CNTLN: variants seen among roughly 807,000 people sequenced by gnomAD.
The protein encoded by CNTLN is centlein, centrosomal protein.
A neutral mutation model predicts 180.0 loss-of-function variants in CNTLN; 212 were observed. The ratio of observed to expected loss-of-function variants is 1.18; its 90% CI spans 1.05 to 1.32. CNTLN has a LOEUF of 1.32. CNTLN is among the 40% of genes most tolerant of loss of function. CNTLN has a pLI of 0.00. For missense variants in CNTLN, 2,095 were observed against 1,610.9 expected (o/e 1.30, Z -5.14); for synonymous variants, 722 against 563.1 (o/e 1.28, Z -3.99).
intron 2 of CNTLN, among the ~76,000 whole-genome samples, chr9:17,200,716 C>T (rs1266481076): frequency 5.9e-5 from 9 of 152,098 alleles, no homozygotes; most frequent in Non-Finnish European, 8.8e-5. Context: ...AGTTGCTTAC[C>T]AGCATAAGGA....
downstream of CNTLN, among the ~76,000 whole-genome samples, chr9:17,508,017 C>T (rs1225961940): frequency 6.6e-6 from 1 of 152,128 alleles, no homozygotes. Flanking sequence ...TTAATGCTGA[C>T]CCTAGCGTGA....
chr9:17,372,148 A>T (rs1302020746), intron 13 of CNTLN, among the ~76,000 whole-genome samples: 1 of 152,158 alleles, frequency 6.6e-6, no homozygotes, highest in Non-Finnish European at 1.5e-5. Flanking sequence ...TGAATAAAAC[A>T]ATATGAAAAA....
chr9:17,499,406 A>G (rs1187868117), intron 25 of CNTLN, among the ~76,000 whole-genome samples: 1 of 152,228 alleles, frequency 6.6e-6, no homozygotes, highest in Non-Finnish European at 1.5e-5. Flanking sequence ...TTTTATAAAC[A>G]AAATCTTTTG....
the CNTLN span, among the ~76,000 whole-genome samples, chr9:17,512,322 C>G: frequency 6.6e-6 from 1 of 152,140 alleles, no homozygotes; most frequent in African/African-American, 2.4e-5. Flanking sequence ...TAAACTGAAG[C>G]TAAAGAATAC....
intron 15 of CNTLN, among the ~76,000 whole-genome samples, chr9:17,397,349 G>A (rs1056896836): frequency 1.3e-5 from 2 of 152,126 alleles, no homozygotes; most frequent in African/African-American, 2.4e-5. Flanking sequence ...CAGGGGCTGC[G>A]GTTGCCCATT....
chr9:17,455,029 C>G (rs1831029917), intron 18 of CNTLN, among the ~76,000 whole-genome samples: 1 of 152,202 alleles, frequency 6.6e-6, no homozygotes, highest in African/African-American at 2.4e-5. Context: ...AGGTCACCCA[C>G]AAAAGTTGTC....
chr9:17,462,792 C>T (rs992487817), intron 19 of CNTLN, 124 bp from the exon 20 acceptor site: 1 of 412,566 alleles, frequency 2.4e-6, no homozygotes, highest in East Asian at 3.8e-5. Flanking sequence ...TTAAAATATT[C>T]ATTTTAATTA....
intron 2 of CNTLN, among the ~76,000 whole-genome samples, chr9:17,184,261 A>G (rs181259332): frequency 7.5e-4 from 114 of 152,298 alleles, no homozygotes; most frequent in African/African-American, 2.6e-3. Flanking sequence ...TGTATAAAAA[A>G]TTCTTGCTAT....
intron 8 of CNTLN, among the ~76,000 whole-genome samples, chr9:17,327,939 G>C (rs987882381): frequency 2.6e-5 from 4 of 151,606 alleles, no homozygotes; most frequent in Non-Finnish European, 5.9e-5. Context: ...GGCAACAAAA[G>C]TGAAACTCCG....
At chr9:17,489,151 A>G (rs1426823082) in intron 25 of CNTLN, among the ~76,000 whole-genome samples, 6 of 151,736 alleles carry the variant, frequency 4.0e-5, no homozygotes, top group Non-Finnish European at 8.8e-5. Flanking sequence ...TTTTTAGCCT[A>G]CTTTTCTTCT....
intron 18 of CNTLN, among the ~76,000 whole-genome samples, chr9:17,420,112 A>C (rs1828594563): frequency 6.6e-6 from 1 of 152,072 alleles, no homozygotes; most frequent in Non-Finnish European, 1.5e-5. Context: ...TTGGGGTTTC[A>C]CCATGTTGGC....
At chr9:17,135,517 A>C (rs1586876234) in intron 1 of CNTLN, 92 bp downstream of exon 1, 6 of 1,429,894 alleles carry the variant, frequency 4.2e-6, no homozygotes, top group Non-Finnish European at 5.5e-6. Flanking sequence ...CTTGGGACCT[A>C]CCCCGCCCAG....
chr9:17,493,130 G>GAA (rs5896745), intron 25 of CNTLN, among the ~76,000 whole-genome samples: 4 of 151,788 alleles, frequency 2.6e-5, no homozygotes, highest in Non-Finnish European at 5.9e-5. Flanking sequence ...TTGGAAAGAT[G>GAA]AAAAATCCTA....
In CNTLN at chr9:17,263,675, C is replaced by A. The variant is rs141406804; in HGVS notation, c.850-10058C>A. Among the ~76,000 whole-genome samples the A allele has an allele frequency of 4.6e-3, 662 of 143,374 alleles. 16 individuals are homozygous for A. The highest frequency in any genetic ancestry group is 0.017 in the African/African-American group (632 of 36,740). 94.1% of individuals were successfully genotyped at this position (143,374 alleles called of 152,430 possible). A position where few individuals can be genotyped will look rare whatever the true frequency, so the allele number is the denominator to read the frequency against. On this transcript the variant is annotated intron_variant, in intron 5 of 25. Coordinates refer to ENST00000380647, the MANE Select transcript of CNTLN (RefSeq NM_017738.4). ...GTTCCACCAACAGTGTAAAAGTGTT[C>A]CTATTTCTGCACATCCTCTCCAGCC...
rs1184873349 is a variant in CNTLN at position 17,466,008 on chromosome 9, A to G, written c.3559A>G (p.Asn1187Asp). ...AAAGACATTAACTGAAGAATGTTCC[A>G]ACAAGAAGGTATCAATTGATTCACT... ...KVKTLTEECS[N>D]KKVSIDSLKQ... Residue 1187 changes from asparagine to aspartate, a missense_variant, in exon 22 of 26, where the codon AAC (asparagine) becomes GAC (aspartate). Transcript: ENST00000380647. 6.2e-7 allele frequency: 1 copy of G among 1,605,460 alleles called. No individual in the cohort carries two copies. Among genetic ancestry groups the G allele is most frequent in the Admixed American group, 1.7e-5 (1 of 59,370 alleles).
intron 2 of CNTLN, among the ~76,000 whole-genome samples, chr9:17,177,994 C>T (rs1048003530): frequency 6.6e-6 from 1 of 151,978 alleles, no homozygotes; most frequent in Non-Finnish European, 1.5e-5. Context: ...AAGTTCTCCA[C>T]ATCCCCACTA....
At chr9:17,368,733 A>G (rs1490104649) in intron 13 of CNTLN, among the ~76,000 whole-genome samples, 1 of 152,222 alleles carries the variant, frequency 6.6e-6, no homozygotes, top group Non-Finnish European at 1.5e-5. Flanking sequence ...TCCGGATCTT[A>G]TCCAAGACTG....
intron 6 of CNTLN, among the ~76,000 whole-genome samples, chr9:17,294,169 A>C (rs1176073223): frequency 6.6e-6 from 1 of 151,778 alleles, no homozygotes; most frequent in South Asian, 2.1e-4. Flanking sequence ...GTGTGGATCC[A>C]AAGAGTGAGC....
At chr9:17,175,459 G>A (rs1033076099) in intron 2 of CNTLN, among the ~76,000 whole-genome samples, 9 of 152,070 alleles carry the variant, frequency 5.9e-5, no homozygotes, top group African/African-American at 2.2e-4. Context: ...GGGTATATTT[G>A]CATGGTTGTA....
Sources: allele counts gnomAD v4.1 joint callset (sites outside exome capture counted in the v4.1 genomes callset), GRCh38; gene constraint gnomAD v4.1.1; transcripts MANE v1.5; gene names NCBI Gene and HGNC (gene_info 2026-07-23, HGNC 2026-07-21).